Variants in SUV39H2 observed in about 807,000 individuals in gnomAD.
SUV39H2 encodes SUV39H2 histone lysine methyltransferase.
Under a neutral mutation model 47.5 loss-of-function variants are expected in SUV39H2, and 10 were observed. The observed-to-expected ratio is 0.21, with a 90% confidence interval of 0.13 to 0.36. The LOEUF is 0.36. Among genes scored for constraint, SUV39H2 ranks in the 10% least tolerant of loss-of-function variants. The probability of loss-of-function intolerance (pLI) is 1.00; values close to 1 mark genes in which losing one functional copy is unlikely to be tolerated. For missense variants in SUV39H2, 266 were observed against 487.4 expected, an observed-to-expected ratio of 0.55 and a Z score of 4.28; for synonymous variants, 159 against 166.8, an observed-to-expected ratio of 0.95 and a Z score of 0.36.
In SUV39H2 at chr10:14,902,684, T is replaced by A; in HGVS notation, c.*172T>A. Reference sequence around the variant, plus strand: ...CCGATGCCTCTGAAAAGGGGGTCACTGGGTCTCATAGACTGATATGAAGTC... The same window carrying A: ...CCGATGCCTCTGAAAAGGGGGTCACAGGGTCTCATAGACTGATATGAAGTC... On this transcript the variant is annotated 3_prime_UTR_variant, in exon 6 of 6. Transcript: ENST00000354919. 2.0e-6 allele frequency: 1 copy of A among 508,712 alleles called. No homozygotes were observed. The highest frequency in any genetic ancestry group is 2.7e-5 in the South Asian group (1 of 36,824). The allele number at this position is 508,712 out of a possible 1,614,324, so 31.5% of individuals were successfully genotyped here.
At chr10:14,885,680 C>T (rs1011748994) in intron 2 of SUV39H2, among the ~76,000 whole-genome samples, 1 of 152,178 alleles carries the variant, frequency 6.6e-6, no homozygotes, top group South Asian at 2.1e-4. Context: ...CACATACATC[C>T]CCCATTTCTT....
intron 1 of SUV39H2, 167 bp downstream of exon 1, chr10:14,879,086 C>G (rs1358206397): frequency 2.3e-6 from 3 of 1,281,262 alleles, no homozygotes; most frequent in African/African-American, 1.6e-5. Context: ...CTCCCCCAGG[C>G]CGCTGACCCG....
At chr10:14,896,428 G>T (rs748875768) in intron 2 of SUV39H2, among the ~76,000 whole-genome samples, 1 of 152,148 alleles carries the variant, frequency 6.6e-6, no homozygotes, top group African/African-American at 2.4e-5. Flanking sequence ...AGTTATGGAC[G>T]TTAAGAATGC....
chr10:14,898,775 CAT>C (rs1213006097), intron 3 of SUV39H2: 1 of 154,740 alleles, frequency 6.5e-6, no homozygotes, highest in African/African-American at 2.4e-5. Context: ...ATGAAAATAA[CAT>C]ATTCTACAAA....
chr10:14,899,414 C>CT, intron 3 of SUV39H2, 125 bp from the exon 4 acceptor site: 7 of 1,029,244 alleles, frequency 6.8e-6, no homozygotes, highest in Non-Finnish European at 9.9e-6. Context: ...TGAATGTTTG[C>CT]TTTGATGACA....
chr10:14,891,092 G>A (rs1272723572), intron 2 of SUV39H2, among the ~76,000 whole-genome samples: 1 of 152,210 alleles, frequency 6.6e-6, no homozygotes, highest in Non-Finnish European at 1.5e-5. Context: ...AAAAGGAGTT[G>A]ATGGTGATCA....
chr10:14,890,362 C>G (rs1053527787), intron 2 of SUV39H2, among the ~76,000 whole-genome samples: 2 of 152,152 alleles, frequency 1.3e-5, no homozygotes, highest in African/African-American at 4.8e-5. Flanking sequence ...AGACTATGCT[C>G]CCATGGAACC....
intron 2 of SUV39H2, among the ~76,000 whole-genome samples, chr10:14,895,289 G>A (rs1213199522): frequency 6.6e-6 from 1 of 151,506 alleles, no homozygotes; most frequent in Non-Finnish European, 1.5e-5. Context: ...CGATTCTCCT[G>A]CCTCAGCCTC....
chr10:14,887,591 A>G (rs1044935048), intron 2 of SUV39H2, among the ~76,000 whole-genome samples: 3 of 152,184 alleles, frequency 2.0e-5, no homozygotes, highest in Non-Finnish European at 2.9e-5. Flanking sequence ...GTAATTGGCA[A>G]AAAGATAGAG....
At chr10:14,899,376 C>A (rs1211292201) in intron 3 of SUV39H2, 163 bp from the exon 4 acceptor site, 16 of 766,026 alleles carry the variant, frequency 2.1e-5, no homozygotes, top group Admixed American at 4.6e-5. Context: ...CATTTTCCCA[C>A]CTCTTTGCAT....
intron 2 of SUV39H2, among the ~76,000 whole-genome samples, chr10:14,886,282 C>T (rs1366717295): frequency 1.3e-5 from 2 of 152,230 alleles, no homozygotes; most frequent in African/African-American, 2.4e-5. Flanking sequence ...ACACAGCCTG[C>T]ACAGTTCAGT....
chr10:14,886,917 G>A (rs1469801121), intron 2 of SUV39H2, among the ~76,000 whole-genome samples: 3 of 152,230 alleles, frequency 2.0e-5, no homozygotes, highest in African/African-American at 4.8e-5. Flanking sequence ...CTGAAAAGGC[G>A]AGCATTGTAA....
At chr10:14,879,081 C>T (rs1370581224) in intron 1 of SUV39H2, 162 bp downstream of exon 1, 3 of 1,288,186 alleles carry the variant, frequency 2.3e-6, no homozygotes, top group African/African-American at 1.6e-5. Flanking sequence ...CTATCCTCCC[C>T]CAGGCCGCTG....
chr10:14,904,315 ATTTTTTTTTTTTTT>A (rs35999949), downstream of SUV39H2: 1 of 77,762 alleles, frequency 1.3e-5, no homozygotes, highest in Non-Finnish European at 2.3e-5. Context: ...AAAAAAAAAA[ATTTTTTTTTTTTTT>A]TTTTTTTTTT....
At chr10:14,889,512 A>T in intron 2 of SUV39H2, among the ~76,000 whole-genome samples, 1 of 152,204 alleles carries the variant, frequency 6.6e-6, no homozygotes, top group East Asian at 1.9e-4. Flanking sequence ...TACTGAAGAG[A>T]CAAGAAGAAT....
At position 14,899,029 on chromosome 10, in the gene SUV39H2, C is replaced by A. The variant is rs1418375681; in HGVS notation, c.850-510C>A. Reference sequence around the variant, plus strand: ...AGTGTTCCAATGTACTGCTCAAATCCTGTTTAAAAAGTCATAAATCAACCA... The same window carrying A: ...AGTGTTCCAATGTACTGCTCAAATCATGTTTAAAAAGTCATAAATCAACCA... On this transcript the variant is annotated intron_variant, in intron 3 of 5. Transcript: ENST00000354919. The A allele has an allele frequency of 5.2e-6, 3 of 572,764 alleles. No individual in the cohort carries two copies. The East Asian group carries it at 8.3e-5, about 16-fold the overall frequency. 35.5% of individuals were successfully genotyped at this position (572,764 alleles called of 1,614,324 possible). A position where few individuals can be genotyped will look rare whatever the true frequency, so the allele number is the denominator to read the frequency against.
At chr10:14,880,636 A>G (rs780368245) in intron 1 of SUV39H2, among the ~76,000 whole-genome samples, 3 of 152,336 alleles carry the variant, frequency 2.0e-5, no homozygotes, top group Non-Finnish European at 2.9e-5. Flanking sequence ...AAACGTGTTA[A>G]TTTACACTTT....
chr10:14,880,894 A>G (rs1299089816), intron 1 of SUV39H2, among the ~76,000 whole-genome samples: 1 of 152,220 alleles, frequency 6.6e-6, no homozygotes, highest in Non-Finnish European at 1.5e-5. Context: ...CTTGGTGATA[A>G]TATATTGCAG....
chr10:14,900,178 A>G (rs1412849870), intron 4 of SUV39H2, among the ~76,000 whole-genome samples: 1 of 152,206 alleles, frequency 6.6e-6, no homozygotes, highest in Non-Finnish European at 1.5e-5. Flanking sequence ...ATAAATTAGT[A>G]TTCTTCCTTA....
Sources: allele counts gnomAD v4.1 joint callset (sites outside exome capture counted in the v4.1 genomes callset), GRCh38; gene constraint gnomAD v4.1.1; transcripts MANE v1.5; gene names NCBI Gene and HGNC (gene_info 2026-07-23, HGNC 2026-07-21).